The following EIF4H variants were observed in gnomAD, a reference collection of about 807,000 sequenced individuals.
EIF4H encodes the protein Williams-Beuren syndrome chromosome region 1.
A neutral mutation model predicts 30.6 loss-of-function variants in EIF4H; 8 were observed. That is an observed-to-expected ratio of 0.26 (90% CI 0.15 to 0.47). EIF4H has a LOEUF of 0.47. Ranked by LOEUF, EIF4H falls within the 20% of genes least tolerant of loss-of-function variation. The pLI is 0.99. For missense variants in EIF4H, 188 were observed against 339.5 expected, an observed-to-expected ratio of 0.55 and a Z score of 3.51; for synonymous variants, 106 against 122.7, an observed-to-expected ratio of 0.86 and a Z score of 0.90.
At chr7:74,190,457 G>T in intron 5 of EIF4H, 151 bp downstream of exon 5, 1 of 738,612 alleles carries the variant, frequency 1.4e-6, no homozygotes, top group Non-Finnish European at 2.2e-6. Flanking sequence ...ATGCAAGTAA[G>T]CCTCTGTTAG....
intron 1 of EIF4H, among the ~76,000 whole-genome samples, chr7:74,181,775 C>T (rs1244678802): frequency 2.0e-5 from 3 of 148,932 alleles, no homozygotes; most frequent in Non-Finnish European, 4.4e-5. Context: ...CACTCTGCCT[C>T]CCAGGCTAGA....
intron 1 of EIF4H, among the ~76,000 whole-genome samples, chr7:74,184,348 C>T (rs561162695): frequency 1.3e-5 from 2 of 152,234 alleles, no homozygotes; most frequent in Admixed American, 6.5e-5. Flanking sequence ...AGCAAGCCTT[C>T]GCACCTCCAT....
At chr7:74,183,069 C>T (rs1296140755) in intron 1 of EIF4H, among the ~76,000 whole-genome samples, 2 of 152,240 alleles carry the variant, frequency 1.3e-5, no homozygotes, top group African/African-American at 4.8e-5. Flanking sequence ...GCCTTCTCTA[C>T]ATTCTCTCCA....
intron 4 of EIF4H, 160 bp from the exon 5 acceptor site, chr7:74,190,087 A>G (rs1554709694): frequency 2.7e-6 from 3 of 1,114,896 alleles, no homozygotes; most frequent in Admixed American, 2.8e-5. Flanking sequence ...TGCTTCTGCA[A>G]GCCTGGCGTT....
rs576234074 is a variant in EIF4H at position 74,192,645 on chromosome 7, A to G, written c.470-2096A>G. On this transcript the variant is annotated intron_variant, in intron 5 of 6. Coordinates refer to ENST00000265753, the MANE Select transcript of EIF4H (RefSeq NM_022170.2). Reference sequence around the variant, plus strand: ...ATCACAACATTTTCGTCAGCTGATCATACCTAACATTGCTTTATGTGACTT... The same window carrying G: ...ATCACAACATTTTCGTCAGCTGATCGTACCTAACATTGCTTTATGTGACTT... Among the ~76,000 whole-genome samples, 16 of 148,690 alleles carry G rather than the reference A, an allele frequency of 1.1e-4. No homozygotes were observed. In the East Asian group the frequency reaches 3.2e-3, roughly 29 times the overall value.
chr7:74,191,051 C>A (rs1456884242), intron 5 of EIF4H: 3 of 402,900 alleles, frequency 7.4e-6, no homozygotes, highest in African/African-American at 2.1e-5. Context: ...CACCCTCCCC[C>A]CATCAAAACA....
At position 74,186,799 on chromosome 7, in the gene EIF4H, T is replaced by A. The variant is rs1554709225; in HGVS notation, c.60-812T>A. Among the ~76,000 whole-genome samples the A allele has an allele frequency of 4.1e-3, 41 of 9,924 alleles. 8 individuals are homozygous for A. The highest frequency in any genetic ancestry group is 0.014 in the African/African-American group (23 of 1,590). The allele number at this position is 9,924 out of a possible 152,430, so 6.5% of individuals were successfully genotyped here. A position where few individuals can be genotyped will look rare whatever the true frequency, so the allele number is the denominator to read the frequency against. On this transcript the variant is annotated intron_variant, in intron 1 of 6. Transcript: ENST00000265753. ...GGCAACAAGGAGAAATTTTTTTTTT[T>A]TTTTTTTTTTTTTTTTTTTTTTTTT...
chr7:74,194,634 A>G lies in EIF4H; in HGVS notation c.470-107A>G, dbSNP rs113571440. The G allele has an allele frequency of 4.4e-3, 6,288 of 1,429,654 alleles. 219 individuals carry two copies. The African/African-American group carries it at 0.076, about 17-fold the overall frequency. The allele number at this position is 1,429,654 out of a possible 1,614,324, so 88.6% of individuals were successfully genotyped here. On this transcript the variant is annotated intron_variant, in intron 5 of 6. Transcript: ENST00000265753. ...TTGGAGAGACTTCAGATAGTGGACA[A>G]ACTAAAGAATTTAAAATGAAACTCA...
chr7:74,190,350 C>T, intron 5 of EIF4H, 44 bp downstream of exon 5: 1 of 1,585,720 alleles, frequency 6.3e-7, no homozygotes, highest in Non-Finnish European at 8.7e-7. Flanking sequence ...TCCTAGGAGC[C>T]TTGCTGCTGT....
At chr7:74,184,599 A>G (rs1342211250) in intron 1 of EIF4H, among the ~76,000 whole-genome samples, 1 of 151,032 alleles carries the variant, frequency 6.6e-6, no homozygotes, top group Non-Finnish European at 1.5e-5. Context: ...TGTTTTTAAC[A>G]TTGACCCTCC....
rs1383462966 is a variant in EIF4H, at chr7:74,190,262, G to A, written c.425G>A (p.Arg142Gln). The part of the protein sequence containing the change: ...GPDDRGMGSS[R>Q]ESRGGWDSRD... ...GTATCCTCAGGAATGGGTAGCTCTCGAGAATCTAGAGGTGGATGGGATTCC... is the reference window on the plus strand; with the variant it reads ...GTATCCTCAGGAATGGGTAGCTCTCAAGAATCTAGAGGTGGATGGGATTCC... The change falls in exon 5 of 7, where the codon CGA becomes CAA. Residue 142 changes from arginine to glutamine, a missense_variant. Transcript: ENST00000265753. 1.9e-6 allele frequency: 3 copies of A among 1,614,162 alleles called. No individual in the cohort carries two copies. The highest frequency in any genetic ancestry group is 2.5e-6 in the Non-Finnish European group (3 of 1,180,010).
chr7:74,179,118 A>G (rs939980842), intron 1 of EIF4H, among the ~76,000 whole-genome samples: 3 of 152,214 alleles, frequency 2.0e-5, no homozygotes, highest in African/African-American at 7.2e-5. Flanking sequence ...TCATACCTGC[A>G]TCTGTCTCCA....
At chr7:74,179,419 G>A (rs781888693) in intron 1 of EIF4H, among the ~76,000 whole-genome samples, 10 of 151,948 alleles carry the variant, frequency 6.6e-5, no homozygotes, top group African/African-American at 2.2e-4. Flanking sequence ...ATTACCTGAG[G>A]TCAGTAGTCT....
At chr7:74,179,570 T>G (rs1167326808) in intron 1 of EIF4H, among the ~76,000 whole-genome samples, 2 of 148,580 alleles carry the variant, frequency 1.3e-5, no homozygotes, top group African/African-American at 5.0e-5. Flanking sequence ...AGGTGGAGTT[T>G]GCAGTGAGCC....
chr7:74,174,634 C>G (rs572844962), intron 1 of EIF4H, among the ~76,000 whole-genome samples, 192 bp downstream of exon 1: 1 of 152,040 alleles, frequency 6.6e-6, no homozygotes, highest in African/African-American at 2.4e-5. Flanking sequence ...GCTGGGCTCC[C>G]GGGGTCTTGC....
chr7:74,176,460 A>G (rs1196928731), intron 1 of EIF4H, among the ~76,000 whole-genome samples: 1 of 152,212 alleles, frequency 6.6e-6, no homozygotes, highest in Non-Finnish European at 1.5e-5. Flanking sequence ...ATGCTTAAGC[A>G]TCATAGAAGA....
rs911515271 is a variant in EIF4H at position 74,182,738 on chromosome 7, G to C, written c.60-4873G>C. On this transcript the variant is annotated intron_variant, in intron 1 of 6. Coordinates refer to ENST00000265753, the MANE Select transcript of EIF4H (RefSeq NM_022170.2). ...CAACTTTCTGTTGCATCTACTTACT[G>C]GATACATCCCTACCCTCATAACATC... 1.1e-4 allele frequency among the ~76,000 whole-genome samples: 16 copies of C among 152,222 alleles called. 1 individual carries two copies. The highest frequency in any genetic ancestry group is 6.8e-3 in the Middle Eastern group (2 of 294).
intron 2 of EIF4H, among the ~76,000 whole-genome samples, chr7:74,188,676 TG>T (rs1466224885): frequency 2.0e-5 from 3 of 151,860 alleles, no homozygotes; most frequent in African/African-American, 4.8e-5. Context: ...AACTAAACTT[TG>T]GGTTGGAGTG....
At chr7:74,174,545 G>A (rs1800791170) in intron 1 of EIF4H, 103 bp downstream of exon 1, 10 of 1,096,550 alleles carry the variant, frequency 9.1e-6, no homozygotes, top group Non-Finnish European at 9.2e-6. Context: ...GGCGGGAGGC[G>A]GGGGCCCGCG....
Sources: gnomAD v4.1 joint callset for allele counts (sites outside exome capture counted in the v4.1 genomes callset) on GRCh38, gnomAD v4.1.1 for gene constraint, MANE v1.5 for transcripts, NCBI Gene and HGNC (gene_info 2026-07-23, HGNC 2026-07-21) for gene names.